ZSWIM6: variants seen among roughly 807,000 people sequenced by gnomAD.
The protein encoded by ZSWIM6 is zinc finger SWIM domain-containing protein 6.
ZSWIM6 carries 9 observed loss-of-function variants against 113.2 expected under a neutral mutation model. The ratio of observed to expected loss-of-function variants is 0.08; its 90% CI spans 0.05 to 0.14. The LOEUF is 0.14. Among genes scored for constraint, ZSWIM6 ranks in the 10% least tolerant of loss-of-function variants. The pLI, the probability that ZSWIM6 is intolerant of heterozygous loss-of-function variation, is 1.00. For missense variants in ZSWIM6, 1,162 were observed against 1,552.2 expected (o/e 0.75, Z 4.22); for synonymous variants, 611 against 606.5 (o/e 1.01, Z -0.11).
At chr5:61,408,250 A>C (rs1746080810) in intron 1 of ZSWIM6, among the ~76,000 whole-genome samples, 1 of 152,226 alleles carries the variant, frequency 6.6e-6, no homozygotes. Flanking sequence ...GGGTGAATAC[A>C]AGAGAAGTAA....
At chr5:61,395,423 T>C (rs956801283) in intron 1 of ZSWIM6, among the ~76,000 whole-genome samples, 6 of 151,876 alleles carry the variant, frequency 4.0e-5, no homozygotes, top group Admixed American at 1.3e-4. Flanking sequence ...TTGATTTTTT[T>C]CCCCCCATTC....
At chr5:61,391,514 T>C (rs1745713768) in intron 1 of ZSWIM6, 4 of 1,159,730 alleles carry the variant, frequency 3.4e-6, no homozygotes, top group Non-Finnish European at 5.2e-6. Context: ...TGCCGGTTTT[T>C]ATAGAAATGT....
rs762404087 is a variant in ZSWIM6 at position 61,543,871 on chromosome 5, G to A, written c.3202G>A (p.Ala1068Thr). ...NLSYNQDTHP[A>T]INDVLWACAL... Reference sequence around the variant, plus strand: ...GAGCTACAATCAGGACACACACCCTGCCATTAATGATGTTTTGTGGGCCTG... The same window carrying A: ...GAGCTACAATCAGGACACACACCCTACCATTAATGATGTTTTGTGGGCCTG... The change falls in exon 14 of 14, where the codon GCC (alanine) becomes ACC (threonine). Residue 1068 changes from alanine to threonine, a missense_variant. Ala to Thr is a moderately conservative substitution (Grantham distance 58, BLOSUM62 0). This residue lies in a region of ZSWIM6 where 113 missense variants were observed against 213.8 expected (regional missense o/e 0.53). Transcript: ENST00000252744. The surrounding 1 kb of genome is among the most constrained non-coding windows in gnomAD (Gnocchi z 4.3). 3 of 1,551,916 alleles carry A rather than the reference G, an allele frequency of 1.9e-6. No individual in the cohort carries two copies. Among genetic ancestry groups the A allele is most frequent in the South Asian group, 2.4e-5 (2 of 84,066 alleles).
At chr5:61,514,833 C>T (rs927341227) in intron 4 of ZSWIM6, among the ~76,000 whole-genome samples, 1 of 151,948 alleles carries the variant, frequency 6.6e-6, no homozygotes, top group African/African-American at 2.4e-5. Context: ...GCAGTTGAGC[C>T]TACTTGTAAT....
At chr5:61,533,325 G>A (rs746438193) in intron 9 of ZSWIM6, among the ~76,000 whole-genome samples, 7 of 152,210 alleles carry the variant, frequency 4.6e-5, no homozygotes, top group African/African-American at 9.7e-5. Context: ...CAAGTTCTTC[G>A]TGCAGTTATA....
At chr5:61,366,698 G>A (rs563475715) in intron 1 of ZSWIM6, among the ~76,000 whole-genome samples, 139 of 152,286 alleles carry the variant, frequency 9.1e-4, no homozygotes, top group African/African-American at 3.3e-3. Context: ...TTTGGAGGCT[G>A]AGGCGGCAGA....
intron 1 of ZSWIM6, chr5:61,375,042 A>G (rs185992055): frequency 7.2e-6 from 10 of 1,383,312 alleles, no homozygotes; most frequent in Non-Finnish European, 9.2e-6. Context: ...CCAAGTCTAT[A>G]AGATATTAAA....
chr5:61,345,773 A>G (rs1424767220), intron 1 of ZSWIM6, among the ~76,000 whole-genome samples: 1 of 152,236 alleles, frequency 6.6e-6, no homozygotes, highest in African/African-American at 2.4e-5. Flanking sequence ...CCAAATAACT[A>G]GAAATGGAAT....
At chr5:61,425,177 C>T (rs1248554573) in intron 1 of ZSWIM6, among the ~76,000 whole-genome samples, 1 of 152,006 alleles carries the variant, frequency 6.6e-6, no homozygotes, top group Non-Finnish European at 1.5e-5. Flanking sequence ...GCTTTCTGTA[C>T]CCCTAAGGAA....
chr5:61,390,529 C>G lies in ZSWIM6; in HGVS notation c.676+57581C>G, dbSNP rs549497587. 53 of 452,018 alleles carry G rather than the reference C, an allele frequency of 1.2e-4. 1 individual carries two copies. The highest frequency in any genetic ancestry group is 9.9e-4 in the South Asian group (47 of 47,262). The allele number at this position is 452,018 out of a possible 1,614,324, so 28.0% of individuals were successfully genotyped here. A position where few individuals can be genotyped will look rare whatever the true frequency, so the allele number is the denominator to read the frequency against. On this transcript the variant is annotated intron_variant, in intron 1 of 13. Transcript: ENST00000252744. ...TTTTTCCGCTCCTCCTTGAATTTGC[C>G]CCTTGCTCTGGAGAGCCTACAAAAG...
At chr5:61,503,316 A>G (rs1748523192) in intron 4 of ZSWIM6, among the ~76,000 whole-genome samples, 1 of 152,140 alleles carries the variant, frequency 6.6e-6, no homozygotes, top group Admixed American at 6.6e-5. Flanking sequence ...AATGTAGGTA[A>G]CTCACTCAGT....
At chr5:61,360,217 G>A (rs1357636489) in intron 1 of ZSWIM6, among the ~76,000 whole-genome samples, 2 of 131,252 alleles carry the variant, frequency 1.5e-5, no homozygotes, top group Non-Finnish European at 3.1e-5. Flanking sequence ...TGGAGGTATC[G>A]CTAGAACCAG....
intron 1 of ZSWIM6, among the ~76,000 whole-genome samples, chr5:61,369,370 C>G (rs1216122205): frequency 6.6e-6 from 1 of 152,210 alleles, no homozygotes; most frequent in African/African-American, 2.4e-5. Context: ...GGATCAAACT[C>G]AAATACATTC....
At chr5:61,440,513 T>C (rs1460891837) in intron 1 of ZSWIM6, among the ~76,000 whole-genome samples, 2 of 152,128 alleles carry the variant, frequency 1.3e-5, no homozygotes, top group Non-Finnish European at 2.9e-5. Context: ...GTCATGAGTA[T>C]TAAAATAATT....
chr5:61,532,801 G>C (rs1749475211), intron 9 of ZSWIM6, among the ~76,000 whole-genome samples: 1 of 151,928 alleles, frequency 6.6e-6, no homozygotes, highest in Non-Finnish European at 1.5e-5. Context: ...AAGATAAAAA[G>C]CCCATCTTGA....
chr5:61,373,440 C>G (rs145954539), intron 1 of ZSWIM6, among the ~76,000 whole-genome samples: 1 of 144,720 alleles, frequency 6.9e-6, no homozygotes, highest in Admixed American at 7.1e-5. Context: ...TGCAGTGGCG[C>G]GATCTCGGCT....
At chr5:61,380,055 ACT>A (rs1745444485) in intron 1 of ZSWIM6, among the ~76,000 whole-genome samples, 1 of 151,706 alleles carries the variant, frequency 6.6e-6, no homozygotes. Context: ...TCTGTTTATT[ACT>A]CTGTCTTCAT....
At chr5:61,389,023 C>G (rs1418231221) in intron 1 of ZSWIM6, among the ~76,000 whole-genome samples, 1 of 152,102 alleles carries the variant, frequency 6.6e-6, no homozygotes, top group Non-Finnish European at 1.5e-5. Flanking sequence ...GGGACACATA[C>G]CTGCAAACTC....
intron 2 of ZSWIM6, among the ~76,000 whole-genome samples, chr5:61,486,601 A>T (rs891929149): frequency 1.3e-5 from 2 of 152,056 alleles, no homozygotes; most frequent in Non-Finnish European, 2.9e-5. Context: ...CCTCACCAAC[A>T]TCTGTTATTT....
Sources: gnomAD v4.1 joint callset for allele counts (sites outside exome capture counted in the v4.1 genomes callset) on GRCh38, gnomAD v4.1.1 for gene constraint, gnomAD v4.1.1 regional missense constraint, Gnocchi (gnomAD v3.1) non-coding constraint, MANE v1.5 for transcripts, NCBI Gene and HGNC (gene_info 2026-07-23, HGNC 2026-07-21) for gene names.